The following GAREM1 variants were observed in gnomAD, a reference collection of about 807,000 sequenced individuals.
GAREM1 encodes GRB2-associated and regulator of MAPK protein 1.
In GAREM1, 26 loss-of-function variants were observed where a neutral mutation model predicts 71.3. That is an observed-to-expected ratio of 0.36 (90% CI 0.27 to 0.51). The LOEUF (loss-of-function observed/expected upper bound fraction) is 0.51. Ranked by LOEUF, GAREM1 falls within the 20% of genes least tolerant of loss-of-function variation. The pLI is 0.95. For synonymous variants in GAREM1, 440 were observed against 433.2 expected (o/e 1.02, Z -0.20); for missense variants, 1,026 against 1,103.1 (o/e 0.93, Z 0.99).
intron 1 of GAREM1, among the ~76,000 whole-genome samples, chr18:32,409,807 C>T (rs541024777): frequency 1.3e-5 from 2 of 152,224 alleles, no homozygotes; most frequent in African/African-American, 4.8e-5. Flanking sequence ...AACAGATAAG[C>T]AACTGTAGTA....
intron 2 of GAREM1, among the ~76,000 whole-genome samples, chr18:32,339,923 T>G (rs1360008599): frequency 6.6e-6 from 1 of 152,238 alleles, no homozygotes; most frequent in Non-Finnish European, 1.5e-5. Context: ...TGACCCTGTA[T>G]TCCACCCATC....
At chr18:32,369,294 C>T (rs1477490146) in intron 2 of GAREM1, among the ~76,000 whole-genome samples, 2 of 152,174 alleles carry the variant, frequency 1.3e-5, no homozygotes, top group Admixed American at 6.5e-5. Flanking sequence ...AATTTTTATA[C>T]GTTTTTGAGC....
intron 1 of GAREM1, among the ~76,000 whole-genome samples, chr18:32,395,069 A>G (rs1336803480): frequency 6.6e-6 from 1 of 152,204 alleles, no homozygotes; most frequent in Non-Finnish European, 1.5e-5. Flanking sequence ...TTCAAGTTAT[A>G]TTAACCTTTA....
At chr18:32,398,382 G>GT (rs1433098915) in intron 1 of GAREM1, among the ~76,000 whole-genome samples, 1 of 152,122 alleles carries the variant, frequency 6.6e-6, no homozygotes, top group South Asian at 2.1e-4. Flanking sequence ...CCAGGAGCTG[G>GT]TTTTTTGGAA....
chr18:32,347,328 G>T (rs758942612), intron 2 of GAREM1, among the ~76,000 whole-genome samples: 1 of 151,966 alleles, frequency 6.6e-6, no homozygotes, highest in Non-Finnish European at 1.5e-5. Flanking sequence ...GTGAGACCGT[G>T]TCTCAAAATA....
At chr18:32,310,455 A>G (rs1256904126) in intron 2 of GAREM1, 132 bp from the exon 3 acceptor site, 17 of 813,722 alleles carry the variant, frequency 2.1e-5, no homozygotes, top group Non-Finnish European at 3.0e-5. Flanking sequence ...AATCTTTTTA[A>G]AAAGGCATTA....
Position 32,267,815 on chromosome 18 carries a change from C to G in GAREM1, c.*56G>C. On this transcript the variant is annotated 3_prime_UTR_variant, in exon 6 of 6. Transcript: ENST00000269209. ...AACATGAAATTGTGTCCCAGCCCAC[C>G]CCTTCTAGCACACGCATTGATCAGT... The G allele has an allele frequency of 1.4e-6, 2 of 1,402,696 alleles. No homozygotes were observed. Among genetic ancestry groups the G allele is most frequent in the East Asian group, 4.6e-5 (2 of 43,372 alleles). The allele number at this position is 1,402,696 out of a possible 1,614,324, so 86.9% of individuals were successfully genotyped here.
intron 2 of GAREM1, among the ~76,000 whole-genome samples, chr18:32,345,825 T>C (rs756751606): frequency 3.3e-5 from 5 of 152,186 alleles, no homozygotes; most frequent in Non-Finnish European, 5.9e-5. Flanking sequence ...AGATTACTGA[T>C]GGTGCAGCAG....
intron 4 of GAREM1, among the ~76,000 whole-genome samples, chr18:32,280,472 G>A (rs1174907230): frequency 6.6e-6 from 1 of 152,154 alleles, no homozygotes; most frequent in African/African-American, 2.4e-5. Flanking sequence ...GGGAATACCA[G>A]TTTCTTGACA....
chr18:32,363,995 C>CATATATATATATATATATATATATAT (rs766095412), intron 2 of GAREM1, among the ~76,000 whole-genome samples: 3 of 21,330 alleles, frequency 1.4e-4, no homozygotes, highest in African/African-American at 1.5e-4. Context: ...TACATATATA[C>CATATATATATATATATATATATATAT]ATATATATAT....
At chr18:32,415,397 A>G (rs951810770) in intron 1 of GAREM1, among the ~76,000 whole-genome samples, 1 of 151,350 alleles carries the variant, frequency 6.6e-6, no homozygotes, top group African/African-American at 2.4e-5. Context: ...AGACAAAGGC[A>G]CATCAAAACA....
intron 2 of GAREM1, among the ~76,000 whole-genome samples, chr18:32,327,006 T>C (rs1406250086): frequency 1.3e-5 from 2 of 152,196 alleles, no homozygotes; most frequent in Non-Finnish European, 2.9e-5. Context: ...GGAACAGAGA[T>C]ACATTCCAAA....
At chr18:32,282,893 T>C (rs150878726) in intron 4 of GAREM1, among the ~76,000 whole-genome samples, 14 of 152,322 alleles carry the variant, frequency 9.2e-5, no homozygotes, top group African/African-American at 3.1e-4. Context: ...GTAGAGTACA[T>C]CTGGGTAAAT....
chr18:32,310,487 AAGAT>A (rs1206222261), intron 2 of GAREM1, among the ~76,000 whole-genome samples, 164 bp from the exon 3 acceptor site: 2 of 152,202 alleles, frequency 1.3e-5, no homozygotes, highest in East Asian at 1.9e-4. Context: ...ATTAAACTAG[AAGAT>A]AGATAGATTT....
rs1373703454 is a variant in GAREM1, at chr18:32,288,002, T to C, written c.595A>G (p.Ile199Val). The C allele has an allele frequency of 5.0e-6, 8 of 1,614,186 alleles. No homozygotes were observed. Among genetic ancestry groups the C allele is most frequent in the African/African-American group, 1.3e-5 (1 of 75,046 alleles). ...KLGKGKMPCL[I>V]CMNHRTNESI... ...TCGTTGGTCCGGTGATTCATACAAA[T>C]GAGGCACGGCATTTTGCCTTTTCCC... The change falls in exon 4 of 6, where the codon ATT (isoleucine) becomes GTT (valine). Residue 199 changes from isoleucine to valine, a missense_variant. Transcript: ENST00000269209.
intron 2 of GAREM1, among the ~76,000 whole-genome samples, chr18:32,379,469 T>TG (rs2048071543): frequency 1.3e-4 from 4 of 30,070 alleles, no homozygotes; most frequent in African/African-American, 2.4e-4. Context: ...CCGGGGGGGG[T>TG]GGGGGGCGGG....
chr18:32,433,160 AAAAC>A (rs1332279799), intron 1 of GAREM1, among the ~76,000 whole-genome samples: 1 of 151,934 alleles, frequency 6.6e-6, no homozygotes, highest in East Asian at 1.9e-4. Context: ...AGGCAAAAAA[AAAAC>A]AACCCCACAC....
At chr18:32,307,085 G>C (rs2047263446) in intron 3 of GAREM1, among the ~76,000 whole-genome samples, 1 of 152,140 alleles carries the variant, frequency 6.6e-6, no homozygotes, top group Admixed American at 6.5e-5. Flanking sequence ...TTTTGCTACA[G>C]TTTGTGAAGA....
At chr18:32,469,316 G>C (rs963872665) in intron 1 of GAREM1, among the ~76,000 whole-genome samples, 1 of 152,184 alleles carries the variant, frequency 6.6e-6, no homozygotes, top group Non-Finnish European at 1.5e-5. Context: ...GACCTGGCCT[G>C]TGTAGTCACA....
Sources: allele counts gnomAD v4.1 joint callset (sites outside exome capture counted in the v4.1 genomes callset), GRCh38; gene constraint gnomAD v4.1.1; transcripts MANE v1.5; gene names NCBI Gene and HGNC (gene_info 2026-07-23, HGNC 2026-07-21).